Variants in DENND4A observed in about 807,000 individuals in gnomAD.
The protein encoded by DENND4A is C-myc promoter-binding protein.
A neutral mutation model predicts 199.3 loss-of-function variants in DENND4A; 70 were observed. The observed-to-expected ratio is 0.35, with a 90% CI of 0.29 to 0.43. The LOEUF (loss-of-function observed/expected upper bound fraction) is 0.43. Ranked by LOEUF, DENND4A falls within the 20% of genes least tolerant of loss-of-function variation. The pLI is 1.00. For synonymous variants in DENND4A, 686 were observed against 766.9 expected (o/e 0.89, Z 1.74); for missense variants, 1,723 against 2,255.8 (o/e 0.76, Z 4.78).
intron 32 of DENND4A, among the ~76,000 whole-genome samples, chr15:65,662,232 T>C (rs1264998833): frequency 6.6e-6 from 1 of 152,228 alleles, no homozygotes; most frequent in Non-Finnish European, 1.5e-5. Flanking sequence ...CACACACTTT[T>C]TTGGTACTTT....
At chr15:65,664,747 G>A (rs903644201) in intron 30 of DENND4A, 25 bp from the exon 31 acceptor site, 1 of 1,591,730 alleles carries the variant, frequency 6.3e-7, no homozygotes. Context: ...AAGAACAGAT[G>A]AAGGAAAATG....
In DENND4A at chr15:65,664,686, C is replaced by T; in HGVS notation, c.5396G>A (p.Ser1799Asn). ...CAGTTCCTGGTTAAATGAGTTATCA[C>T]TTTTTTGCAATAAATGGACCATTGG... Reference protein sequence around the residue: ...KYPMVHLLQKSDNSFNQELLK... With the variant: ...KYPMVHLLQKNDNSFNQELLK... The change falls in exon 31 of 33, where the codon AGT (serine) becomes AAT (asparagine). Residue 1799 changes from serine (S) to asparagine (N), a missense_variant. This residue lies in a region of DENND4A where 164 missense variants were observed against 280.1 expected (regional missense o/e 0.59). Transcript: ENST00000443035. 1 of 1,612,406 alleles carries T rather than the reference C, an allele frequency of 6.2e-7. No individual in the cohort carries two copies. Among genetic ancestry groups the T allele is most frequent in the Non-Finnish European group, 8.5e-7 (1 of 1,179,256 alleles).
intron 2 of DENND4A, among the ~76,000 whole-genome samples, chr15:65,761,124 C>T (rs1275603329): frequency 1.3e-5 from 2 of 152,020 alleles, no homozygotes; most frequent in African/African-American, 4.8e-5. Flanking sequence ...AAAAGGGAAC[C>T]GTATACTTCA....
intron 7 of DENND4A, 24 bp downstream of exon 7, chr15:65,737,683 T>C (rs1596561426): frequency 1.6e-5 from 24 of 1,546,192 alleles, no homozygotes; most frequent in East Asian, 2.4e-5. Flanking sequence ...CTGTCAAATG[T>C]TGAACCAAGA....
intron 1 of DENND4A, among the ~76,000 whole-genome samples, chr15:65,763,698 AAAAAAT>A (rs2076912426): frequency 6.6e-6 from 1 of 151,690 alleles, no homozygotes. Context: ...AAAAAAAAAA[AAAAAAT>A]TCGATAGTGT....
intron 1 of DENND4A, among the ~76,000 whole-genome samples, chr15:65,762,882 T>C (rs1336961612): frequency 6.6e-6 from 1 of 152,138 alleles, no homozygotes; most frequent in East Asian, 1.9e-4. Flanking sequence ...CCATGGAGGA[T>C]ACCAAGGGGC....
rs569780234 is a variant in DENND4A, at chr15:65,664,897, A to C, written c.5360-175T>G. 11 of 565,822 alleles carry C rather than the reference A, an allele frequency of 1.9e-5. No individual in the cohort carries two copies. In the East Asian group the frequency reaches 3.0e-4, roughly 15 times the overall value. 35.1% of individuals were successfully genotyped at this position (565,822 alleles called of 1,614,324 possible). On this transcript the variant is annotated intron_variant, in intron 30 of 32. Transcript: ENST00000443035. ...AGCAAAAAATAAGACAAATAATGAC[A>C]AAAAAAGGTCTAAAGCTTTCTGTGG...
intron 28 of DENND4A, 98 bp from the exon 29 acceptor site, chr15:65,667,801 T>C (rs1469068635): frequency 1.6e-5 from 24 of 1,488,854 alleles, no homozygotes; most frequent in Non-Finnish European, 1.9e-5. Context: ...GTAATATAAT[T>C]GTATCATGGG....
intron 1 of DENND4A, among the ~76,000 whole-genome samples, chr15:65,768,369 T>C (rs781160409): frequency 2.0e-5 from 3 of 152,072 alleles, no homozygotes; most frequent in Non-Finnish European, 2.9e-5. Context: ...AACACACATA[T>C]AGAAAATGTA....
intron 20 of DENND4A, among the ~76,000 whole-genome samples, chr15:65,698,789 G>A (rs941387435): frequency 7.5e-6 from 1 of 134,072 alleles, no homozygotes; most frequent in South Asian, 2.4e-4. Context: ...CCAGGCTGGA[G>A]TGCAGTGGCG....
At chr15:65,700,719 A>C in intron 19 of DENND4A, 44 bp from the exon 20 acceptor site, 3 of 1,468,360 alleles carry the variant, frequency 2.0e-6, no homozygotes, top group Non-Finnish European at 2.7e-6. Context: ...CGAAGAGGTA[A>C]ATACACATTA....
intron 23 of DENND4A, among the ~76,000 whole-genome samples, 186 bp from the exon 24 acceptor site, chr15:65,676,820 C>A (rs1362981555): frequency 6.6e-6 from 1 of 152,142 alleles, no homozygotes; most frequent in Non-Finnish European, 1.5e-5. Context: ...AAATGTGCTG[C>A]AGTTCAATTT....
intron 9 of DENND4A, among the ~76,000 whole-genome samples, chr15:65,730,889 A>T (rs1035172973): frequency 3.3e-5 from 5 of 152,098 alleles, no homozygotes; most frequent in African/African-American, 1.2e-4. Flanking sequence ...TATGTGAATT[A>T]TATCTCAATA....
chr15:65,670,302 C>G, intron 25 of DENND4A, 114 bp from the exon 26 acceptor site: 1 of 857,508 alleles, frequency 1.2e-6, no homozygotes, highest in Non-Finnish European at 1.7e-6. Flanking sequence ...GATTCAGATG[C>G]TATACACAAA....
At chr15:65,700,513 ATAATAAATG>A in intron 20 of DENND4A, 22 bp downstream of exon 20, 1 of 1,311,714 alleles carries the variant, frequency 7.6e-7, no homozygotes, top group Non-Finnish European at 9.9e-7. Flanking sequence ...AAAATGTACT[ATAATAAATG>A]TATACATAAG....
At position 65,665,563 on chromosome 15, in the gene DENND4A, G is replaced by A. The variant is rs543419851; in HGVS notation, c.5242-101C>T. 37 of 836,624 alleles carry A rather than the reference G, an allele frequency of 4.4e-5. No homozygotes were observed. The Admixed American group carries it at 4.9e-4, about 11-fold the overall frequency. 51.8% of individuals were successfully genotyped at this position (836,624 alleles called of 1,614,324 possible). On this transcript the variant is annotated intron_variant, in intron 29 of 32. Coordinates refer to ENST00000443035, the MANE Select transcript of DENND4A (RefSeq NM_001320835.1). Reference sequence around the variant, plus strand: ...AATATTTTTTAGGATGTATATGTGCGAGACAGAAAAGAGAACAGAAAAAGA... The same window carrying A: ...AATATTTTTTAGGATGTATATGTGCAAGACAGAAAAGAGAACAGAAAAAGA...
At chr15:65,776,439 A>C (rs2077284946) in intron 1 of DENND4A, among the ~76,000 whole-genome samples, 1 of 152,206 alleles carries the variant, frequency 6.6e-6, no homozygotes, top group Admixed American at 6.5e-5. Flanking sequence ...GGATGAAATA[A>C]TTTAAGTTTC....
At chr15:65,771,843 A>G in intron 1 of DENND4A, 1 of 1,612,760 alleles carries the variant, frequency 6.2e-7, no homozygotes, top group Non-Finnish European at 8.5e-7. Flanking sequence ...TACTTAAAAC[A>G]GCATAAGCAT....
intron 15 of DENND4A, chr15:65,705,880 G>T: frequency 4.3e-6 from 2 of 465,988 alleles, no homozygotes; most frequent in Non-Finnish European, 5.6e-6. Flanking sequence ...TCATTAGAGA[G>T]CTTCCCAAGT....
Sources: allele counts gnomAD v4.1 joint callset (sites outside exome capture counted in the v4.1 genomes callset), GRCh38; gene constraint gnomAD v4.1.1; regional missense constraint gnomAD v4.1.1; transcripts MANE v1.5; gene names NCBI Gene and HGNC (gene_info 2026-07-23, HGNC 2026-07-21).